Variants in PRKCA observed in about 807,000 individuals in gnomAD.
PRKCA encodes the protein protein kinase C alpha type.
In PRKCA, 27 loss-of-function variants were observed where a neutral mutation model predicts 87.0. The observed-to-expected ratio is 0.31, with a 90% CI of 0.23 to 0.43. The LOEUF (loss-of-function observed/expected upper bound fraction) is 0.43. PRKCA is among the 20% of genes least tolerant of loss of function. The probability of loss-of-function intolerance (pLI) is 1.00; values close to 1 mark genes in which losing one functional copy is unlikely to be tolerated. For missense variants in PRKCA, 518 were observed against 852.3 expected (o/e 0.61, Z 4.88); for synonymous variants, 329 against 311.1 (o/e 1.06, Z -0.61).
At chr17:66,760,357 T>C (rs1444278920) in intron 13 of PRKCA, among the ~76,000 whole-genome samples, 2 of 152,044 alleles carry the variant, frequency 1.3e-5, no homozygotes, top group Non-Finnish European at 2.9e-5. Flanking sequence ...GTTAAATAAA[T>C]GAAAACGTAG....
chr17:66,741,325 ACG>A (rs61761467), intron 11 of PRKCA, among the ~76,000 whole-genome samples: 3,530 of 152,290 alleles, frequency 0.023, 129 homozygotes, highest in African/African-American at 0.078. Context: ...AATTTTCTTT[ACG>A]CCATACTCCT....
chr17:66,735,115 C>T (rs903896196), intron 9 of PRKCA, among the ~76,000 whole-genome samples: 2 of 152,214 alleles, frequency 1.3e-5, no homozygotes, highest in Non-Finnish European at 2.9e-5. Context: ...AGTCTAGGTT[C>T]TTGACTTGAG....
chr17:66,673,597 T>C (rs552362673), intron 5 of PRKCA, among the ~76,000 whole-genome samples: 84 of 152,328 alleles, frequency 5.5e-4, no homozygotes, highest in Non-Finnish European at 1.0e-3. Context: ...ACATCAGAAA[T>C]TCTGCAACAT....
intron 3 of PRKCA, among the ~76,000 whole-genome samples, chr17:66,561,699 A>G (rs1264968914): frequency 6.6e-6 from 1 of 152,222 alleles, no homozygotes; most frequent in African/African-American, 2.4e-5. Flanking sequence ...AAATGTGGTA[A>G]CTACATATGA....
chr17:66,387,952 GT>G (rs1485755286), intron 2 of PRKCA, among the ~76,000 whole-genome samples: 1 of 152,198 alleles, frequency 6.6e-6, no homozygotes, highest in African/African-American at 2.4e-5. Context: ...ATTCCCAACT[GT>G]TCCTATTCAA....
chr17:66,687,318 C>G, intron 6 of PRKCA, 51 bp downstream of exon 6: 1 of 1,547,190 alleles, frequency 6.5e-7, no homozygotes, highest in South Asian at 1.2e-5. Context: ...CATGCAGTTG[C>G]CCACCTCATT....
At position 66,544,166 on chromosome 17, in the gene PRKCA, G is replaced by A. The variant is rs147560148; in HGVS notation, c.288+47883G>A. On this transcript the variant is annotated intron_variant, in intron 3 of 16. Transcript: ENST00000413366. Reference sequence around the variant, plus strand: ...TGGAACCCGGGAGGTGGAGACTGCAGTGAGCCAAGATCAGACCACTGCACT... The same window carrying A: ...TGGAACCCGGGAGGTGGAGACTGCAATGAGCCAAGATCAGACCACTGCACT... 2.3e-3 allele frequency among the ~76,000 whole-genome samples: 349 copies of A among 152,284 alleles called. 1 individual carries two copies. The highest frequency in any genetic ancestry group is 8.7e-3 in the Admixed American group (133 of 15,296).
intron 2 of PRKCA, among the ~76,000 whole-genome samples, chr17:66,423,916 T>C (rs1390578205): frequency 6.6e-6 from 1 of 152,176 alleles, no homozygotes; most frequent in African/African-American, 2.4e-5. Flanking sequence ...CAGTGTACTT[T>C]AGCTAATAGA....
Position 66,711,401 on chromosome 17 carries a change from C to CT in PRKCA, c.919-21285dup, listed in dbSNP as rs199854886. 2.5e-3 allele frequency among the ~76,000 whole-genome samples: 386 copies of CT among 152,318 alleles called. 3 individuals are homozygous for CT. The highest frequency in any genetic ancestry group is 9.1e-3 in the African/African-American group (378 of 41,570). On this transcript the variant is annotated intron_variant, in intron 8 of 16. Transcript: ENST00000413366. ...AATGCCTGACTTAATCCTTCTCACT[C>CT]TTATTTCATTTTTTCTCATTTTTTA...
chr17:66,707,045 T>A (rs10491201), intron 8 of PRKCA, among the ~76,000 whole-genome samples: 17,225 of 152,122 alleles, frequency 0.11, 1,263 homozygotes, highest in African/African-American at 0.21. Flanking sequence ...GATGCTTCTG[T>A]CTCATACCCT....
intron 2 of PRKCA, among the ~76,000 whole-genome samples, chr17:66,475,598 G>A (rs1272696932): frequency 6.6e-6 from 1 of 152,122 alleles, no homozygotes; most frequent in Non-Finnish European, 1.5e-5. Context: ...GTTCGGCATC[G>A]AGGTATGGAA....
intron 3 of PRKCA, among the ~76,000 whole-genome samples, chr17:66,585,508 C>A (rs930997253): frequency 2.6e-5 from 4 of 152,202 alleles, no homozygotes; most frequent in Admixed American, 2.6e-4. Context: ...CTTTCTAGTT[C>A]CTGTAGCACA....
At chr17:66,731,351 G>GAA (rs5821509) in intron 8 of PRKCA, among the ~76,000 whole-genome samples, 16 of 112,450 alleles carry the variant, frequency 1.4e-4, no homozygotes, top group Non-Finnish European at 1.9e-4. Context: ...CTCCGTCTCA[G>GAA]AAAAAAAAAA....
At chr17:66,584,331 C>G (rs1969531553) in intron 3 of PRKCA, among the ~76,000 whole-genome samples, 2 of 152,138 alleles carry the variant, frequency 1.3e-5, no homozygotes, top group Admixed American at 1.3e-4. Context: ...AAGCAGTTCT[C>G]CTGCCTCAGC....
intron 2 of PRKCA, among the ~76,000 whole-genome samples, chr17:66,392,526 C>G (rs913531254): frequency 1.3e-5 from 2 of 151,950 alleles, no homozygotes. Flanking sequence ...TTGTAATAAC[C>G]ACACTTATTA....
intron 2 of PRKCA, among the ~76,000 whole-genome samples, chr17:66,405,764 A>AT (rs1911335925): frequency 6.6e-6 from 1 of 152,190 alleles, no homozygotes; most frequent in Non-Finnish European, 1.5e-5. Flanking sequence ...AATGGAGAAG[A>AT]TGGAAGGTTC....
At chr17:66,397,300 G>C (rs1222738333) in intron 2 of PRKCA, among the ~76,000 whole-genome samples, 2 of 113,568 alleles carry the variant, frequency 1.8e-5, no homozygotes, top group Non-Finnish European at 3.8e-5. Context: ...TTTTTTTAGG[G>C]CTTTTGATAT....
intron 2 of PRKCA, among the ~76,000 whole-genome samples, chr17:66,436,688 T>C (rs555307647): frequency 1.3e-5 from 2 of 152,184 alleles, no homozygotes; most frequent in South Asian, 2.1e-4. Context: ...AAAGGGAGGA[T>C]GAGTGGAAAT....
At chr17:66,647,560 C>T (rs189831162) in intron 5 of PRKCA, among the ~76,000 whole-genome samples, 5 of 152,300 alleles carry the variant, frequency 3.3e-5, no homozygotes, top group Non-Finnish European at 5.9e-5. Flanking sequence ...ATGGTACTGC[C>T]GGAACCTTCC....
Sources: gnomAD v4.1 joint callset for allele counts (sites outside exome capture counted in the v4.1 genomes callset) on GRCh38, gnomAD v4.1.1 for gene constraint, MANE v1.5 for transcripts, NCBI Gene and HGNC (gene_info 2026-07-23, HGNC 2026-07-21) for gene names.